Variants in MTA1 observed in about 807,000 individuals in gnomAD.
MTA1 encodes metastasis associated 1.
Under a neutral mutation model 97.0 loss-of-function variants are expected in MTA1, and 15 were observed. The ratio of observed to expected loss-of-function variants is 0.15; its 90% confidence interval spans 0.10 to 0.24. The LOEUF (loss-of-function observed/expected upper bound fraction) is 0.24. MTA1 is among the 10% of genes least tolerant of loss of function. The pLI is 1.00. For synonymous variants in MTA1, 435 were observed against 417.5 expected (o/e 1.04, Z -0.51); for missense variants, 709 against 1,015.1 (o/e 0.70, Z 4.10).
intron 2 of MTA1, among the ~76,000 whole-genome samples, chr14:105,439,376 G>A (rs1463100057): frequency 6.6e-6 from 1 of 152,202 alleles, no homozygotes; most frequent in Non-Finnish European, 1.5e-5. Context: ...CCCATGCATT[G>A]AGCCTGGCAG....
In MTA1 at chr14:105,422,414, G is replaced by A. The variant is rs587605468; in HGVS notation, c.28+2351G>A. Among the ~76,000 whole-genome samples the A allele has an allele frequency of 8.9e-4, 136 of 152,216 alleles. No individual in the cohort carries two copies. Among genetic ancestry groups the A allele is most frequent in the Non-Finnish European group, 1.6e-3 (108 of 68,020 alleles). ...CCTGAGCAGCCTTTGTCCGTCTGTC[G>A]CCGGCTGCCTGGCACGGGCTCCATC... On this transcript the variant is annotated intron_variant, in intron 1 of 20. Coordinates refer to ENST00000331320, the MANE Select transcript of MTA1 (RefSeq NM_004689.4). The surrounding 1 kb of genome is among the most constrained non-coding windows in gnomAD (Gnocchi z 4.3).
intron 1 of MTA1, among the ~76,000 whole-genome samples, chr14:105,436,459 A>T (rs2082327181): frequency 6.6e-6 from 1 of 152,186 alleles, no homozygotes; most frequent in African/African-American, 2.4e-5. Context: ...GTCCATAGTC[A>T]TGTTGTTGTA....
At chr14:105,435,820 A>G (rs2082309348) in intron 1 of MTA1, among the ~76,000 whole-genome samples, 1 of 152,234 alleles carries the variant, frequency 6.6e-6, no homozygotes, top group Non-Finnish European at 1.5e-5. Flanking sequence ...GTTCTGTGGC[A>G]TAAAGTCCTC....
intron 1 of MTA1, among the ~76,000 whole-genome samples, chr14:105,421,043 CTCTCG>C (rs1555420779): frequency 6.6e-6 from 1 of 152,214 alleles, no homozygotes; most frequent in African/African-American, 2.4e-5. Flanking sequence ...CACTCTGTGT[CTCTCG>C]AGCGTGGCTT....
At chr14:105,421,037 C>T (rs1555420772) in intron 1 of MTA1, among the ~76,000 whole-genome samples, 1 of 152,228 alleles carries the variant, frequency 6.6e-6, no homozygotes, top group African/African-American at 2.4e-5. Context: ...CCAGAACACT[C>T]TGTGTCTCTC....
rs1259820404 is a variant in MTA1 at position 105,463,822 on chromosome 14, AG to A, written c.1077-205del. On this transcript the variant is annotated intron_variant, in intron 12 of 20. Transcript: ENST00000331320. The surrounding 1 kb of genome is among the most constrained non-coding windows in gnomAD (Gnocchi z 5.9). Reference sequence around the variant, plus strand: ...CAGTCCCTGAGCTGGGCTCCATGCTAGGGGGAGCACGGGGGCCTGGAGAACG... The same window carrying A: ...CAGTCCCTGAGCTGGGCTCCATGCTAGGGGAGCACGGGGGCCTGGAGAACG... 7.8e-6 allele frequency: 5 copies of A among 641,088 alleles called. No individual in the cohort carries two copies. In the East Asian group the frequency reaches 1.1e-4, roughly 14 times the overall value. The allele number at this position is 641,088 out of a possible 1,614,324, so 39.7% of individuals were successfully genotyped here. A position where few individuals can be genotyped will look rare whatever the true frequency, so the allele number is the denominator to read the frequency against.
chr14:105,441,202 C>T (rs1555425573), intron 2 of MTA1, among the ~76,000 whole-genome samples: 1 of 152,236 alleles, frequency 6.6e-6, no homozygotes, highest in South Asian at 2.1e-4. Context: ...CAGGCCAGCA[C>T]AGTTCGTGCG....
At chr14:105,441,672 T>G (rs2082526706) in intron 2 of MTA1, among the ~76,000 whole-genome samples, 1 of 152,114 alleles carries the variant, frequency 6.6e-6, no homozygotes, top group African/African-American at 2.4e-5. Flanking sequence ...CGGGCGCCTG[T>G]GATCCCAGCT....
At chr14:105,430,108 C>T (rs1278546188) in intron 1 of MTA1, among the ~76,000 whole-genome samples, 1 of 152,156 alleles carries the variant, frequency 6.6e-6, no homozygotes, top group African/African-American at 2.4e-5. Flanking sequence ...ACTGGGCTAC[C>T]TGCTTGGCGC....
rs587731700 is a variant in MTA1 at position 105,454,155 on chromosome 14, T to C, written c.433-38T>C. ...TCTCTGACCCTCCCAGCAGCCTGAC[T>C]GTGCTGACGCCTCTCTGTCTCCTGT... On this transcript the variant is annotated intron_variant, in intron 6 of 20. Transcript: ENST00000331320. 102 of 1,519,586 alleles carry C rather than the reference T, an allele frequency of 6.7e-5. 2 individuals are homozygous for C. The South Asian group carries it at 9.9e-4, about 15-fold the overall frequency. 94.1% of individuals were successfully genotyped at this position (1,519,586 alleles called of 1,614,324 possible).
rs1011487321 is a variant in MTA1, at chr14:105,424,338, C to T, written c.28+4275C>T. On this transcript the variant is annotated intron_variant, in intron 1 of 20. Coordinates refer to ENST00000331320, the MANE Select transcript of MTA1 (RefSeq NM_004689.4). The surrounding 1 kb of genome is among the most constrained non-coding windows in gnomAD (Gnocchi z 4.0). ...CCTCCCAAGTAGCTGGGACTACAGG[C>T]GCCCGCCACCATGCCTGGCTAATGT... is the stretch of plus-strand genomic sequence containing the variant. Among the ~76,000 whole-genome samples the T allele has an allele frequency of 2.6e-5, 4 of 152,106 alleles. No homozygotes were observed. The South Asian group carries it at 8.3e-4, about 32-fold the overall frequency.
intron 1 of MTA1, among the ~76,000 whole-genome samples, chr14:105,434,403 TGTAA>T (rs1198610207): frequency 2.0e-5 from 3 of 152,210 alleles, no homozygotes; most frequent in South Asian, 2.1e-4. Flanking sequence ...AAATTTATAT[TGTAA>T]GTATTTAATT....
rs186548252 is a variant in MTA1 at position 105,438,868 on chromosome 14, C to T, written c.96+129C>T. The T allele has an allele frequency of 9.0e-5, 77 of 853,454 alleles. No homozygotes were observed. In the Admixed American group the frequency reaches 1.2e-3, roughly 13 times the overall value. 52.9% of individuals were successfully genotyped at this position (853,454 alleles called of 1,614,324 possible). ...TCTTGGACTGGCCACTGCACAGGCC[C>T]TTCAGTGACTCCGTCCACTGTCACC... On this transcript the variant is annotated intron_variant, in intron 2 of 20. Transcript: ENST00000331320.
rs1309282265 is a variant in MTA1 at position 105,422,200 on chromosome 14, A to G, written c.28+2137A>G. On this transcript the variant is annotated intron_variant, in intron 1 of 20. Coordinates refer to ENST00000331320, the MANE Select transcript of MTA1 (RefSeq NM_004689.4). The surrounding 1 kb of genome is among the most constrained non-coding windows in gnomAD (Gnocchi z 4.3). ...CCCCCTCTCTACTCTGACTGTCCCT[A>G]TAGGAGAAGCGGCATTTATCCCTGG... 2.0e-5 allele frequency among the ~76,000 whole-genome samples: 3 copies of G among 151,932 alleles called. No individual in the cohort carries two copies. The highest frequency in any genetic ancestry group is 7.3e-5 in the African/African-American group (3 of 41,356).
chr14:105,466,770 T>TGCGCC, intron 18 of MTA1, 28 bp downstream of exon 18: 6 of 1,556,002 alleles, frequency 3.9e-6, no homozygotes, highest in Non-Finnish European at 5.2e-6. Flanking sequence ...GGGCGGGCGC[T>TGCGCC]GCGCCGGCCC....
intron 1 of MTA1, among the ~76,000 whole-genome samples, chr14:105,426,826 C>A (rs2082029133): frequency 6.6e-6 from 1 of 152,180 alleles, no homozygotes. Flanking sequence ...TACAGGACAC[C>A]CCTGCAGCAT....
At chr14:105,432,354 C>T (rs2082201135) in intron 1 of MTA1, among the ~76,000 whole-genome samples, 1 of 152,200 alleles carries the variant, frequency 6.6e-6, no homozygotes. Flanking sequence ...AATTATCCTG[C>T]CTCAGCCTCC....
At chr14:105,432,653 C>T (rs1276669960) in intron 1 of MTA1, among the ~76,000 whole-genome samples, 1 of 152,234 alleles carries the variant, frequency 6.6e-6, no homozygotes, top group African/African-American at 2.4e-5. Context: ...GCATGATGTT[C>T]TCTACGTTCT....
At chr14:105,468,285 C>T in intron 18 of MTA1, 1 of 1,302,320 alleles carries the variant, frequency 7.7e-7, no homozygotes, top group Non-Finnish European at 1.0e-6. Flanking sequence ...CTGCGTGTGG[C>T]TCACTAACCT....
Sources: gnomAD v4.1 joint callset for allele counts (sites outside exome capture counted in the v4.1 genomes callset) on GRCh38, gnomAD v4.1.1 for gene constraint, Gnocchi (gnomAD v3.1) non-coding constraint, MANE v1.5 for transcripts, NCBI Gene and HGNC (gene_info 2026-07-23, HGNC 2026-07-21) for gene names.